RBFOX1: variants seen among roughly 807,000 people sequenced by gnomAD.
RBFOX1 encodes the protein RNA binding fox-1 homolog 1.
Under a neutral mutation model 57.7 loss-of-function variants are expected in RBFOX1, and 8 were observed. The ratio of observed to expected loss-of-function variants is 0.14; its 90% CI spans 0.08 to 0.25. The LOEUF is 0.25. Ranked by LOEUF, RBFOX1 falls within the 10% of genes least tolerant of loss-of-function variation. The pLI, the probability that RBFOX1 is intolerant of heterozygous loss-of-function variation, is 1.00. For synonymous variants in RBFOX1, 326 were observed against 222.4 expected (o/e 1.47, Z -4.15); for missense variants, 611 against 548.5 (o/e 1.11, Z -1.14).
intron 13 of RBFOX1, among the ~76,000 whole-genome samples, chr16:7,671,854 T>C (rs528549443): frequency 5.9e-5 from 9 of 152,250 alleles, no homozygotes; most frequent in Non-Finnish European, 1.3e-4. Flanking sequence ...TGAGTGCTGT[T>C]AGCTGGCCTC....
At chr16:5,787,427 C>G (rs868160870) in intron 3 of RBFOX1, among the ~76,000 whole-genome samples, 11 of 152,174 alleles carry the variant, frequency 7.2e-5, no homozygotes, top group South Asian at 2.1e-4. Flanking sequence ...TCTCTACAAA[C>G]TGGTCATCTG....
At chr16:7,114,717 G>A (rs1378150928) in intron 4 of RBFOX1, among the ~76,000 whole-genome samples, 1 of 152,094 alleles carries the variant, frequency 6.6e-6, no homozygotes, top group Non-Finnish European at 1.5e-5. Flanking sequence ...TCCTTTCTAC[G>A]CTCATGAAGA....
At chr16:5,455,873 T>G (rs2068615879) in intron 1 of RBFOX1, among the ~76,000 whole-genome samples, 1 of 152,182 alleles carries the variant, frequency 6.6e-6, no homozygotes, top group African/African-American at 2.4e-5. Flanking sequence ...ACATTAAAAT[T>G]AGCCTTTGAC....
intron 3 of RBFOX1, among the ~76,000 whole-genome samples, chr16:6,690,427 G>T (rs1027525281): frequency 6.6e-6 from 1 of 151,878 alleles, no homozygotes; most frequent in African/African-American, 2.4e-5. Context: ...AAAATGGAGG[G>T]ACTATTTGAA....
chr16:6,777,224 T>A (rs1012145917), intron 3 of RBFOX1, among the ~76,000 whole-genome samples: 1 of 152,218 alleles, frequency 6.6e-6, no homozygotes, highest in East Asian at 1.9e-4. Context: ...GGTAATTATG[T>A]GCTAAGAAAA....
intron 4 of RBFOX1, among the ~76,000 whole-genome samples, chr16:7,303,917 T>G (rs2096099651): frequency 6.9e-6 from 1 of 143,970 alleles, no homozygotes; most frequent in African/African-American, 2.5e-5. Context: ...GCGCATCCCC[T>G]GCCCCTTCCA....
At chr16:7,080,937 A>T (rs1387262882) in intron 4 of RBFOX1, among the ~76,000 whole-genome samples, 1 of 152,204 alleles carries the variant, frequency 6.6e-6, no homozygotes, top group African/African-American at 2.4e-5. Flanking sequence ...GGAGCAAAAC[A>T]CAGATAGCAC....
At chr16:6,882,351 G>T (rs1352248057) in intron 3 of RBFOX1, among the ~76,000 whole-genome samples, 1 of 152,122 alleles carries the variant, frequency 6.6e-6, no homozygotes, top group East Asian at 1.9e-4. Context: ...GCAGTGAGCA[G>T]TATAATTACA....
chr16:7,164,600 C>T (rs951610826), intron 4 of RBFOX1, among the ~76,000 whole-genome samples: 7 of 152,122 alleles, frequency 4.6e-5, no homozygotes, highest in Non-Finnish European at 8.8e-5. Context: ...CTAGAGAAAA[C>T]CACTTTTAAT....
chr16:6,223,320 G>A (rs1463395857), intron 1 of RBFOX1, among the ~76,000 whole-genome samples: 1 of 150,442 alleles, frequency 6.6e-6, no homozygotes, highest in African/African-American at 2.4e-5. Flanking sequence ...CCCAACAACA[G>A]TGTAAAAGTG....
At chr16:5,975,947 C>G (rs534182588) in intron 4 of RBFOX1, among the ~76,000 whole-genome samples, 7 of 152,196 alleles carry the variant, frequency 4.6e-5, no homozygotes, top group Non-Finnish European at 4.4e-5. Context: ...AGTTCAAGAC[C>G]AGCCTGGCCA....
rs534549091 is a variant in RBFOX1 at position 5,401,045 on chromosome 16, A to G, written c.220-66171A>G. Among the ~76,000 whole-genome samples, 5 of 152,268 alleles carry G rather than the reference A, an allele frequency of 3.3e-5. No individual in the cohort carries two copies. The South Asian group carries it at 1.0e-3, about 32-fold the overall frequency. On this transcript the variant is annotated intron_variant, in intron 1 of 2. Transcript: ENST00000585867. Reference sequence around the variant, plus strand: ...TCATTTGTCATTAAGTATTTTTATGATGGTTCAAAGGAGATTTTTTAAAAA... The same window carrying G: ...TCATTTGTCATTAAGTATTTTTATGGTGGTTCAAAGGAGATTTTTTAAAAA...
rs541826755 is a variant in RBFOX1 at position 5,722,718 on chromosome 16, G to T, written c.318+123757G>T. Among the ~76,000 whole-genome samples the T allele has an allele frequency of 2.6e-5, 4 of 152,230 alleles. No individual in the cohort carries two copies. The East Asian group carries it at 7.7e-4, about 29-fold the overall frequency. ...ATACCCAGCTCTTTCCCAGCTTCAGGCTTCATGGATACCATTCTATGCTTG... is the reference window on the plus strand; with the variant it reads ...ATACCCAGCTCTTTCCCAGCTTCAGTCTTCATGGATACCATTCTATGCTTG... On this transcript the variant is annotated intron_variant, in intron 3 of 19. Coordinates refer to the RBFOX1 transcript ENST00000641259.
intron 1 of RBFOX1, among the ~76,000 whole-genome samples, chr16:5,284,359 T>G (rs1456938682): frequency 1.3e-5 from 2 of 152,158 alleles, no homozygotes; most frequent in African/African-American, 4.8e-5. Flanking sequence ...CGGTGACATT[T>G]GAATCCTTTC....
At chr16:6,121,351 A>G (rs1191617998) in intron 1 of RBFOX1, among the ~76,000 whole-genome samples, 2 of 152,172 alleles carry the variant, frequency 1.3e-5, no homozygotes, top group Admixed American at 6.5e-5. Flanking sequence ...TGGCCTGTCT[A>G]CATGGTGGGC....
chr16:6,975,797 G>A (rs1018863457), intron 3 of RBFOX1, among the ~76,000 whole-genome samples: 1 of 152,144 alleles, frequency 6.6e-6, no homozygotes, highest in African/African-American at 2.4e-5. Context: ...AGCTTGCTGA[G>A]TGAATAAAGA....
intron 4 of RBFOX1, among the ~76,000 whole-genome samples, chr16:7,399,644 G>C (rs1456992728): frequency 1.3e-5 from 2 of 151,986 alleles, no homozygotes; most frequent in African/African-American, 4.8e-5. Context: ...TCTTCATATG[G>C]CATTCCCCTC....
chr16:6,934,058 C>T (rs1449316322), intron 3 of RBFOX1, among the ~76,000 whole-genome samples: 1 of 152,146 alleles, frequency 6.6e-6, no homozygotes, highest in Non-Finnish European at 1.5e-5. Context: ...GTCCGAGAGG[C>T]CTTGAGGGTA....
chr16:6,864,001 T>TC (rs1491585571), intron 3 of RBFOX1, among the ~76,000 whole-genome samples: 2 of 150,874 alleles, frequency 1.3e-5, no homozygotes, highest in African/African-American at 4.9e-5. Context: ...TTTTTTTTTT[T>TC]TTTGTTGAGA....
Sources: allele counts gnomAD v4.1 joint callset (sites outside exome capture counted in the v4.1 genomes callset), GRCh38; gene constraint gnomAD v4.1.1; transcripts MANE v1.5; gene names NCBI Gene and HGNC (gene_info 2026-07-23, HGNC 2026-07-21).